The following KIAA1549L variants were observed in gnomAD, a reference collection of about 807,000 sequenced individuals.
The protein encoded by KIAA1549L is UPF0606 protein KIAA1549L.
Under a neutral mutation model 160.7 loss-of-function variants are expected in KIAA1549L, and 88 were observed. The observed-to-expected ratio is 0.55, with a 90% confidence interval of 0.46 to 0.65. KIAA1549L has a LOEUF of 0.65. Ranked by LOEUF, KIAA1549L falls within the 30% of genes least tolerant of loss-of-function variation. KIAA1549L has a pLI of 0.00. For missense variants in KIAA1549L, 2,258 were observed against 2,437.5 expected (o/e 0.93, Z 1.55); for synonymous variants, 950 against 976.7 (o/e 0.97, Z 0.51).
intron 1 of KIAA1549L, among the ~76,000 whole-genome samples, chr11:33,421,415 C>T (rs1292507722): frequency 2.0e-5 from 3 of 152,268 alleles, no homozygotes; most frequent in East Asian, 1.9e-4. Context: ...CAGTGTGGGC[C>T]GTAGGCCAGC....
At chr11:33,517,548 C>G (rs937539059) in intron 1 of KIAA1549L, among the ~76,000 whole-genome samples, 4 of 152,146 alleles carry the variant, frequency 2.6e-5, no homozygotes, top group Admixed American at 2.0e-4. Context: ...GTGCCCTAAG[C>G]AAATGAGGAA....
intron 13 of KIAA1549L, 64 bp downstream of exon 13, chr11:33,599,011 G>T: frequency 6.5e-7 from 1 of 1,547,852 alleles, no homozygotes; most frequent in Non-Finnish European, 8.8e-7. Flanking sequence ...ACACACATGC[G>T]TGCACACGTG....
chr11:33,590,794 C>T (rs1850030415), intron 11 of KIAA1549L, among the ~76,000 whole-genome samples: 1 of 150,936 alleles, frequency 6.6e-6, no homozygotes, highest in South Asian at 2.1e-4. Context: ...AGTGGCTTGG[C>T]AAAGTCACAC....
chr11:33,552,683 CACACACACACACACACACACAT>C (rs908147338), intron 6 of KIAA1549L, among the ~76,000 whole-genome samples: 8 of 148,436 alleles, frequency 5.4e-5, no homozygotes, highest in African/African-American at 7.8e-5. Flanking sequence ...CACACACACA[CACACACACACACACACACACAT>C]GCGTTTTATA....
chr11:33,587,306 T>C (rs139175176), intron 11 of KIAA1549L, among the ~76,000 whole-genome samples: 1 of 152,326 alleles, frequency 6.6e-6, no homozygotes, highest in African/African-American at 2.4e-5. Context: ...TATTTTATTA[T>C]TGGGGTTAGG....
intron 1 of KIAA1549L, among the ~76,000 whole-genome samples, chr11:33,394,931 A>G (rs984971824): frequency 1.6e-4 from 24 of 152,220 alleles, no homozygotes; most frequent in African/African-American, 5.1e-4. Flanking sequence ...TTCTGTGCAC[A>G]TTCCATGGGT....
At chr11:33,524,382 T>C (rs1178305901) in intron 1 of KIAA1549L, among the ~76,000 whole-genome samples, 3 of 152,142 alleles carry the variant, frequency 2.0e-5, no homozygotes, top group African/African-American at 7.2e-5. Flanking sequence ...TATTTTACTC[T>C]TTTAATTTTT....
In KIAA1549L at chr11:33,543,562, A is replaced by G. The variant is rs1854111446; in HGVS notation, c.1999A>G (p.Lys667Glu). The G allele has an allele frequency of 6.2e-7, 1 of 1,614,040 alleles. No homozygotes were observed. Residue 667 changes from lysine (K) to glutamate (E), a missense_variant, in exon 2 of 21, where the codon AAA (lysine) becomes GAA (glutamate). Lys to Glu is a moderately conservative substitution (Grantham distance 56). Transcript: ENST00000658780. Reference protein sequence around the residue: ...DHSGLPASASKQVRASPSSMD... With the variant: ...DHSGLPASASEQVRASPSSMD... Reference sequence around the variant, plus strand: ...TTCTGGGTTGCCAGCTTCAGCTTCCAAACAGGTGAGAGCATCGCCCTCCTC... The same window carrying G: ...TTCTGGGTTGCCAGCTTCAGCTTCCGAACAGGTGAGAGCATCGCCCTCCTC...
At chr11:33,564,596 C>G (rs936374465) in intron 8 of KIAA1549L, among the ~76,000 whole-genome samples, 16 of 152,228 alleles carry the variant, frequency 1.1e-4, no homozygotes, top group Non-Finnish European at 2.2e-4. Context: ...TGTGCAGATT[C>G]AATATTGCTG....
intron 9 of KIAA1549L, among the ~76,000 whole-genome samples, chr11:33,570,505 G>T (rs773611055): frequency 5.3e-5 from 8 of 152,056 alleles, no homozygotes; most frequent in Non-Finnish European, 1.0e-4. Flanking sequence ...TATTTGAATG[G>T]TCATTCAACT....
chr11:33,525,510 A>G (rs1853590898), intron 1 of KIAA1549L, among the ~76,000 whole-genome samples: 1 of 151,420 alleles, frequency 6.6e-6, no homozygotes, highest in Non-Finnish European at 1.5e-5. Flanking sequence ...GAGAGGAGCC[A>G]CAGGTGATGG....
In KIAA1549L at chr11:33,568,097, C is replaced by G. The variant is rs746306315; in HGVS notation, c.4100C>G (p.Ser1367Trp). The G allele has an allele frequency of 4.1e-5, 66 of 1,611,300 alleles. No individual in the cohort carries two copies. The highest frequency in any genetic ancestry group is 5.3e-5 in the Non-Finnish European group (62 of 1,178,880). Residue 1367 changes from serine (S) to tryptophan (W), a missense_variant, in exon 9 of 21, where the codon TCG becomes TGG. By Grantham distance (177) the Ser-to-Trp change is radical. This residue lies in a region of KIAA1549L where 1,359 missense variants were observed against 1,546.6 expected (regional missense o/e 0.88). Coordinates refer to ENST00000658780, the MANE Select transcript of KIAA1549L (RefSeq NM_012194.3). ...VITVLQGVDN[S>W]LVGLHNQSFA... Reference sequence around the variant, plus strand: ...ACAGTGCTGCAGGGTGTGGACAATTCGCTGGTGGGCCTGCACAACCAGAGC... The same window carrying G: ...ACAGTGCTGCAGGGTGTGGACAATTGGCTGGTGGGCCTGCACAACCAGAGC...
intron 15 of KIAA1549L, among the ~76,000 whole-genome samples, chr11:33,613,377 T>A (rs1027518890): frequency 2.0e-5 from 3 of 152,222 alleles, no homozygotes; most frequent in Admixed American, 2.0e-4. Flanking sequence ...TTTTTTCATA[T>A]GCTTGTTGGC....
chr11:33,431,709 G>A (rs1332366980), intron 1 of KIAA1549L, among the ~76,000 whole-genome samples: 3 of 152,278 alleles, frequency 2.0e-5, no homozygotes, highest in East Asian at 3.8e-4. Context: ...GGGGCTGCAG[G>A]TGGAGCTGCC....
chr11:33,415,430 G>A (rs1296151518), intron 1 of KIAA1549L, among the ~76,000 whole-genome samples: 3 of 152,104 alleles, frequency 2.0e-5, no homozygotes, highest in Admixed American at 2.0e-4. Flanking sequence ...CTGTCCCTGG[G>A]GAACATGCTC....
chr11:33,647,748 C>T (rs962973288), intron 17 of KIAA1549L, among the ~76,000 whole-genome samples: 3 of 151,206 alleles, frequency 2.0e-5, no homozygotes, highest in Non-Finnish European at 4.4e-5. Context: ...TAAGAAGATG[C>T]GATGGCCCAT....
chr11:33,403,259 A>AT (rs1850545074), intron 1 of KIAA1549L: 2 of 148,210 alleles, frequency 1.3e-5, no homozygotes, highest in African/African-American at 2.5e-5. Flanking sequence ...ACACACACAC[A>AT]GACACAGACA....
chr11:33,523,939 GTTTTA>G (rs1376342876), intron 1 of KIAA1549L, among the ~76,000 whole-genome samples: 3 of 151,758 alleles, frequency 2.0e-5, no homozygotes, highest in Admixed American at 2.0e-4. Flanking sequence ...TTTGATCATT[GTTTTA>G]TTTATTTAGT....
chr11:33,422,055 T>C (rs1851022992), intron 1 of KIAA1549L, among the ~76,000 whole-genome samples: 2 of 152,130 alleles, frequency 1.3e-5, no homozygotes, highest in South Asian at 4.1e-4. Flanking sequence ...TTGTTTGTGC[T>C]ATCCCTCCCC....
Sources: gnomAD v4.1 joint callset for allele counts (sites outside exome capture counted in the v4.1 genomes callset) on GRCh38, gnomAD v4.1.1 for gene constraint, gnomAD v4.1.1 regional missense constraint, MANE v1.5 for transcripts, NCBI Gene and HGNC (gene_info 2026-07-23, HGNC 2026-07-21) for gene names.